Variants in DYM observed in about 807,000 individuals in gnomAD.
DYM encodes dymeclin, also known as dyggve-Melchior-Clausen syndrome protein.
A neutral mutation model predicts 93.1 loss-of-function variants in DYM; 78 were observed. The observed-to-expected ratio is 0.84, with a 90% CI of 0.70 to 1.01. The LOEUF (loss-of-function observed/expected upper bound fraction) is 1.01. Ranked by LOEUF, DYM falls within the 50% of genes least tolerant of loss-of-function variation. DYM has a pLI of 0.00. For missense variants in DYM, 789 were observed against 845.0 expected, an observed-to-expected ratio of 0.93 and a Z score of 0.82; for synonymous variants, 321 against 319.7, an observed-to-expected ratio of 1.00 and a Z score of -0.04.
chr18:49,266,765 A>C (rs980769045), intron 11 of DYM, among the ~76,000 whole-genome samples: 2 of 152,260 alleles, frequency 1.3e-5, no homozygotes, highest in Non-Finnish European at 2.9e-5. Flanking sequence ...TGGTAGTGAT[A>C]AAGTTTGACT....
rs550618520 is a variant in DYM, at chr18:49,263,728, C to CA, written c.1252-5236dup. On this transcript the variant is annotated intron_variant, in intron 11 of 17. Coordinates refer to ENST00000675505, the MANE Select transcript of DYM (RefSeq NM_001353214.3). Reference sequence around the variant, plus strand: ...TGGGCAACAGAGTGAGATTCTGTCTCAAAAAAGAAAAAAAAAGTAGTTACT... The same window carrying CA: ...TGGGCAACAGAGTGAGATTCTGTCTCAAAAAAAGAAAAAAAAAGTAGTTACT... 2.3e-4 allele frequency among the ~76,000 whole-genome samples: 34 copies of CA among 150,042 alleles called. 1 individual carries two copies. Among genetic ancestry groups the CA allele is most frequent in the African/African-American group, 4.9e-5 (2 of 40,846 alleles).
At chr18:49,152,217 A>T (rs909596429) in intron 15 of DYM, among the ~76,000 whole-genome samples, 15 of 152,206 alleles carry the variant, frequency 9.9e-5, no homozygotes, top group Non-Finnish European at 1.8e-4. Context: ...ACCATATTCC[A>T]TAAGAAGGGA....
At chr18:49,165,001 G>A (rs746796346) in intron 14 of DYM, among the ~76,000 whole-genome samples, 4 of 152,122 alleles carry the variant, frequency 2.6e-5, no homozygotes, top group Non-Finnish European at 5.9e-5. Flanking sequence ...ATAAAAAAGC[G>A]AGACCCAACC....
Position 49,292,355 on chromosome 18 carries a change from G to GACAGACACACACACAC in DYM, c.764-5740_764-5739insGTGTGTGTGTGTCTGT, listed in dbSNP as rs769423170. On this transcript the variant is annotated intron_variant, in intron 8 of 17. Coordinates refer to ENST00000675505, the MANE Select transcript of DYM (RefSeq NM_001353214.3). ...AGGCAGGCAGACAGACAGACAGACA[G>GACAGACACACACACAC]ACACACACACACACACACACACACA... Among the ~76,000 whole-genome samples, 8 of 84,742 alleles carry GACAGACACACACACAC rather than the reference G, an allele frequency of 9.4e-5. No homozygotes were observed. In the East Asian group the frequency reaches 1.0e-3, roughly 11 times the overall value. 55.6% of individuals were successfully genotyped at this position (84,742 alleles called of 152,430 possible).
chr18:49,357,525 T>C (rs1221583417), intron 6 of DYM, among the ~76,000 whole-genome samples: 3 of 152,210 alleles, frequency 2.0e-5, no homozygotes, highest in Admixed American at 1.3e-4. Flanking sequence ...AGACACCCTG[T>C]TGTTACAATG....
At chr18:49,080,434 G>C (rs1453873721) in intron 17 of DYM, among the ~76,000 whole-genome samples, 2 of 131,036 alleles carry the variant, frequency 1.5e-5, no homozygotes, top group African/African-American at 2.9e-5. Context: ...CCGGCAGAGG[G>C]GCTCCTCACT....
chr18:49,138,855 C>T (rs764351872), intron 15 of DYM, among the ~76,000 whole-genome samples: 1 of 152,072 alleles, frequency 6.6e-6, no homozygotes, highest in Non-Finnish European at 1.5e-5. Flanking sequence ...TTTAAGTCTT[C>T]ATGTTATAAT....
At chr18:49,105,323 A>G (rs949245693) in intron 16 of DYM, among the ~76,000 whole-genome samples, 40 of 152,044 alleles carry the variant, frequency 2.6e-4, no homozygotes, top group African/African-American at 8.9e-4. Flanking sequence ...TCTTGCTAGC[A>G]GTCTATCAAT....
chr18:49,393,751 CAA>C (rs2069688784), intron 2 of DYM: 1 of 151,502 alleles, frequency 6.6e-6, no homozygotes, highest in South Asian at 2.1e-4. Flanking sequence ...GCCTAAGCAA[CAA>C]GAGAGAAACT....
intron 15 of DYM, among the ~76,000 whole-genome samples, chr18:49,128,734 C>T (rs985683223): frequency 1.3e-5 from 2 of 151,926 alleles, no homozygotes; most frequent in African/African-American, 4.8e-5. Context: ...AAAATAGAAA[C>T]GTATTCAGGG....
chr18:49,378,821 A>G, intron 4 of DYM, 121 bp from the exon 5 acceptor site: 1 of 916,886 alleles, frequency 1.1e-6, no homozygotes, highest in African/African-American at 1.7e-5. Context: ...TAATATTAGG[A>G]TAATGTCCAT....
intron 15 of DYM, among the ~76,000 whole-genome samples, chr18:49,149,000 A>G (rs968768863): frequency 1.3e-5 from 2 of 152,154 alleles, no homozygotes; most frequent in African/African-American, 4.8e-5. Flanking sequence ...ATGATGTAGA[A>G]TCAGTGGGAG....
At chr18:49,270,558 G>A (rs1401520358) in intron 11 of DYM, among the ~76,000 whole-genome samples, 1 of 152,082 alleles carries the variant, frequency 6.6e-6, no homozygotes, top group Admixed American at 6.6e-5. Context: ...TGCCAAAGGA[G>A]AGTATCATTG....
intron 14 of DYM, among the ~76,000 whole-genome samples, chr18:49,164,706 C>T (rs943625931): frequency 1.3e-5 from 2 of 152,168 alleles, no homozygotes; most frequent in African/African-American, 2.4e-5. Flanking sequence ...AACAACTACC[C>T]AGGAGCTGTA....
At chr18:49,045,571 G>T (rs1180493067) in intron 17 of DYM, among the ~76,000 whole-genome samples, 2 of 152,210 alleles carry the variant, frequency 1.3e-5, no homozygotes, top group Admixed American at 6.5e-5. Context: ...TAGAGATACG[G>T]GGGTGCGGCA....
chr18:49,381,493 C>A (rs2068042161), intron 3 of DYM, among the ~76,000 whole-genome samples: 1 of 152,156 alleles, frequency 6.6e-6, no homozygotes, highest in Non-Finnish European at 1.5e-5. Context: ...CATGGACCGG[C>A]CACAACAGCA....
chr18:49,056,226 GCATTGCCAC>G lies in DYM; in HGVS notation c.2026-12031_2026-12023del, dbSNP rs1810988933. On this transcript the variant is annotated intron_variant, in intron 17 of 17. Transcript: ENST00000675505. ...TGGGCTCAGGCCCTGCTTTCTGCTAGCATTGCCACAGAGCCCCTAAAAGCCACTGAAGAC... is the reference window on the plus strand; with the variant it reads ...TGGGCTCAGGCCCTGCTTTCTGCTAGAGAGCCCCTAAAAGCCACTGAAGAC... 4.6e-5 allele frequency among the ~76,000 whole-genome samples: 7 copies of G among 152,320 alleles called. No individual in the cohort carries two copies. In the South Asian group the frequency reaches 1.4e-3, roughly 32 times the overall value.
rs934131043 is a variant in DYM at position 49,218,081 on chromosome 18, C to CA, written c.1461-8367dup. Among the ~76,000 whole-genome samples the CA allele has an allele frequency of 1.7e-3, 259 of 151,408 alleles. 2 individuals carry two copies. Among genetic ancestry groups the CA allele is most frequent in the Middle Eastern group, 6.8e-3 (2 of 294 alleles). On this transcript the variant is annotated intron_variant, in intron 13 of 17. Coordinates refer to ENST00000675505, the MANE Select transcript of DYM (RefSeq NM_001353214.3). Reference sequence around the variant, plus strand: ...GAAGATCTACCAAGCAAATGGAAAACAAAAAAAGGCAGGGGTTGCAATCCT... The same window carrying CA: ...GAAGATCTACCAAGCAAATGGAAAACAAAAAAAAGGCAGGGGTTGCAATCCT...
intron 9 of DYM, among the ~76,000 whole-genome samples, chr18:49,284,810 T>C (rs2095082904): frequency 6.6e-6 from 1 of 152,198 alleles, no homozygotes; most frequent in Non-Finnish European, 1.5e-5. Flanking sequence ...TTTTAATTTG[T>C]AAAATTGTTA....
Sources: gnomAD v4.1 joint callset for allele counts (sites outside exome capture counted in the v4.1 genomes callset) on GRCh38, gnomAD v4.1.1 for gene constraint, MANE v1.5 for transcripts, NCBI Gene and HGNC (gene_info 2026-07-23, HGNC 2026-07-21) for gene names.